Variants in CPEB3 observed in about 807,000 individuals in gnomAD.
CPEB3 encodes cytoplasmic polyadenylation element-binding protein 3.
Under a neutral mutation model 67.2 loss-of-function variants are expected in CPEB3, and 20 were observed. The observed-to-expected ratio is 0.30, with a 90% confidence interval of 0.21 to 0.43. The LOEUF is 0.43. Among genes scored for constraint, CPEB3 ranks in the 20% least tolerant of loss-of-function variants. The probability of loss-of-function intolerance (pLI) is 1.00; values close to 1 mark genes in which losing one functional copy is unlikely to be tolerated. For synonymous variants in CPEB3, 376 were observed against 393.1 expected (o/e 0.96, Z 0.51); for missense variants, 746 against 968.6 (o/e 0.77, Z 3.05).
chr10:92,175,417 T>C (rs1307876683), intron 4 of CPEB3, among the ~76,000 whole-genome samples: 2 of 152,092 alleles, frequency 1.3e-5, no homozygotes, highest in Non-Finnish European at 2.9e-5. Flanking sequence ...TATGTCTTTG[T>C]GTGGACATAC....
intron 2 of CPEB3, among the ~76,000 whole-genome samples, chr10:92,193,373 T>A (rs1277826957): frequency 6.6e-6 from 1 of 152,172 alleles, no homozygotes; most frequent in Non-Finnish European, 1.5e-5. Context: ...CGAGTCAAGT[T>A]AATTGGTTTT....
intron 8 of CPEB3, among the ~76,000 whole-genome samples, chr10:92,088,576 G>A (rs377033044): frequency 1.3e-5 from 2 of 151,450 alleles, no homozygotes; most frequent in South Asian, 4.2e-4. Context: ...CCTGTATTCA[G>A]AATAACTATC....
At chr10:92,163,116 T>C (rs1185892566) in intron 4 of CPEB3, among the ~76,000 whole-genome samples, 1 of 152,182 alleles carries the variant, frequency 6.6e-6, no homozygotes, top group Non-Finnish European at 1.5e-5. Context: ...CAGTATCATA[T>C]AGAATAGTTT....
intron 4 of CPEB3, among the ~76,000 whole-genome samples, chr10:92,162,217 C>T (rs543848352): frequency 2.6e-5 from 4 of 151,910 alleles, no homozygotes; most frequent in African/African-American, 9.7e-5. Context: ...CGAATTACCT[C>T]TAATTTTTAG....
At chr10:92,226,085 A>C (rs1238581309) in intron 2 of CPEB3, among the ~76,000 whole-genome samples, 1 of 152,218 alleles carries the variant, frequency 6.6e-6, no homozygotes, top group East Asian at 1.9e-4. Context: ...CAACGGAGCG[A>C]GGCTCCATCT....
intron 5 of CPEB3, 76 bp from the exon 6 acceptor site, chr10:92,143,194 G>A (rs773214252): frequency 3.4e-5 from 37 of 1,082,966 alleles, no homozygotes; most frequent in Non-Finnish European, 4.5e-5. Flanking sequence ...CACAAAACAT[G>A]TCTTTTTAGT....
At chr10:92,231,568 T>C (rs1163973698) in intron 2 of CPEB3, among the ~76,000 whole-genome samples, 1 of 152,110 alleles carries the variant, frequency 6.6e-6, no homozygotes, top group African/African-American at 2.4e-5. Flanking sequence ...AATCACTGGA[T>C]AAGTGACTTG....
chr10:92,099,349 G>A (rs1183014823), intron 7 of CPEB3, among the ~76,000 whole-genome samples: 1 of 148,140 alleles, frequency 6.8e-6, no homozygotes, highest in African/African-American at 2.5e-5. Flanking sequence ...ACAGGGTTTT[G>A]CCATGTTGCC....
intron 3 of CPEB3, 22 bp from the exon 4 acceptor site, chr10:92,181,041 A>G (rs1319209717): frequency 7.5e-7 from 1 of 1,329,774 alleles, no homozygotes. Flanking sequence ...AATAATTTTA[A>G]GCAAAAAGAA....
intron 4 of CPEB3, among the ~76,000 whole-genome samples, chr10:92,146,600 G>A (rs1234201856): frequency 6.6e-6 from 1 of 152,116 alleles, no homozygotes; most frequent in Non-Finnish European, 1.5e-5. Flanking sequence ...AAAAGTTAAA[G>A]TTATTAATAT....
At chr10:92,242,472 G>C (rs1383268110) in intron 1 of CPEB3, among the ~76,000 whole-genome samples, 3 of 152,218 alleles carry the variant, frequency 2.0e-5, no homozygotes, top group Non-Finnish European at 4.4e-5. Context: ...CACAGAAAGA[G>C]ACATTTTCAT....
At chr10:92,084,528 T>A (rs753314131) in intron 8 of CPEB3, among the ~76,000 whole-genome samples, 2 of 152,124 alleles carry the variant, frequency 1.3e-5, no homozygotes, top group Admixed American at 6.5e-5. Flanking sequence ...GAGAAGAGTA[T>A]GAAAATTTCC....
Position 92,178,743 on chromosome 10 carries a change from T to G in CPEB3, c.1222+2220A>C, listed in dbSNP as rs562532415. On this transcript the variant is annotated intron_variant, in intron 4 of 9. Transcript: ENST00000265997. The stretch of plus-strand genomic sequence containing the variant: ...AAAATAATAGATAGGTGTGTGTTTG[T>G]GCATATGCTACATATGTAAGTCACC... Among the ~76,000 whole-genome samples the G allele has an allele frequency of 1.3e-4, 20 of 152,254 alleles. No homozygotes were observed. The South Asian group carries it at 4.2e-3, about 32-fold the overall frequency.
At chr10:92,276,692 G>T (rs140235900) in intron 1 of CPEB3, among the ~76,000 whole-genome samples, 3 of 152,100 alleles carry the variant, frequency 2.0e-5, no homozygotes, top group African/African-American at 4.8e-5. Context: ...TTCATTTCTC[G>T]GGTATATAGC....
At chr10:92,124,165 T>A (rs1247454567) in intron 6 of CPEB3, among the ~76,000 whole-genome samples, 1 of 152,176 alleles carries the variant, frequency 6.6e-6, no homozygotes. Context: ...CCCCATCCCA[T>A]CACCTCTGCC....
chr10:92,217,206 CAAAAAAAAAA>C (rs1163974877), intron 2 of CPEB3, among the ~76,000 whole-genome samples: 19 of 25,450 alleles, frequency 7.5e-4, no homozygotes, highest in African/African-American at 2.6e-3. Context: ...GACTCTGCCT[CAAAAAAAAAA>C]AAAAAAAAAA....
At chr10:92,283,722 C>CTTT (rs869248048) in intron 1 of CPEB3, among the ~76,000 whole-genome samples, 256 of 108,930 alleles carry the variant, frequency 2.4e-3, no homozygotes, top group Non-Finnish European at 3.4e-3. Flanking sequence ...CTTTTTCTTT[C>CTTT]TTTTTTTTTT....
intron 8 of CPEB3, among the ~76,000 whole-genome samples, chr10:92,089,006 G>A (rs1365402555): frequency 6.6e-6 from 1 of 152,136 alleles, no homozygotes; most frequent in Non-Finnish European, 1.5e-5. Context: ...GTCTGTAAAT[G>A]ATTACCTCTT....
chr10:92,072,515 C>T (rs1455803309), intron 9 of CPEB3, among the ~76,000 whole-genome samples: 1 of 152,142 alleles, frequency 6.6e-6, no homozygotes, highest in Non-Finnish European at 1.5e-5. Flanking sequence ...TTTATCTGCG[C>T]AATAAAGTGT....
Sources: allele counts gnomAD v4.1 joint callset (sites outside exome capture counted in the v4.1 genomes callset), GRCh38; gene constraint gnomAD v4.1.1; transcripts MANE v1.5; gene names NCBI Gene and HGNC (gene_info 2026-07-23, HGNC 2026-07-21).